NBL1: variants seen among roughly 807,000 people sequenced by gnomAD.
NBL1 encodes neuroblastoma suppressor of tumorigenicity 1.
NBL1 carries 9 observed loss-of-function variants against 16.0 expected under a neutral mutation model. The observed-to-expected ratio is 0.56, with a 90% confidence interval of 0.34 to 0.98. The LOEUF is 0.98. Ranked by LOEUF, NBL1 falls within the 50% of genes least tolerant of loss-of-function variation. The pLI is 0.02. For synonymous variants in NBL1, 86 were observed against 100.7 expected, an observed-to-expected ratio of 0.85 and a Z score of 0.87; for missense variants, 196 against 243.1, an observed-to-expected ratio of 0.81 and a Z score of 1.29.
At chr1:19,651,056 T>C (rs2095022108) in intron 1 of NBL1, among the ~76,000 whole-genome samples, 1 of 152,230 alleles carries the variant, frequency 6.6e-6, no homozygotes, top group Non-Finnish European at 1.5e-5. Flanking sequence ...TCCTAGGTGC[T>C]GAGTACCTTC....
At chr1:19,643,244 G>C (rs774086228), upstream of NBL1, 2 of 1,474,318 alleles carry the variant, frequency 1.4e-6, no homozygotes, top group East Asian at 4.5e-5. The surrounding 1 kb of genome is among the most constrained non-coding windows in gnomAD (Gnocchi z 4.7). Flanking sequence ...TGCAGGCTGG[G>C]TGTGGAGGGT....
chr1:19,644,297 G>GA, upstream of NBL1: 2 of 978,450 alleles, frequency 2.0e-6, no homozygotes, highest in Non-Finnish European at 1.2e-6. This position sits in a 1 kb window ranked among gnomAD's most constrained non-coding sequence, Gnocchi z 4.6. Flanking sequence ...CGCGCCGCGC[G>GA]CCCGCCCGGG....
chr1:19,655,619 G>A (rs887215700), intron 3 of NBL1, among the ~76,000 whole-genome samples, 184 bp downstream of exon 3: 1 of 152,236 alleles, frequency 6.6e-6, no homozygotes, highest in African/African-American at 2.4e-5. Flanking sequence ...TGGCTCAGAA[G>A]TCTGACACCA....
intron 1 of NBL1, among the ~76,000 whole-genome samples, chr1:19,648,398 G>A (rs2100405591): frequency 6.6e-6 from 1 of 152,312 alleles, no homozygotes; most frequent in East Asian, 1.9e-4. Flanking sequence ...ACATTCAGGT[G>A]CCCAGGCCGT....
At chr1:19,643,782 T>A, upstream of NBL1, 1 of 1,012,402 alleles carries the variant, frequency 9.9e-7, no homozygotes, top group Non-Finnish European at 1.2e-6. The surrounding 1 kb of genome is among the most constrained non-coding windows in gnomAD (Gnocchi z 4.7). Flanking sequence ...CCGGGTCGCA[T>A]GCCGGAGCGG....
At chr1:19,646,572 C>T (rs1193887014) in intron 1 of NBL1, among the ~76,000 whole-genome samples, 1 of 152,198 alleles carries the variant, frequency 6.6e-6, no homozygotes. Flanking sequence ...TCAAGGAAGT[C>T]CCTGTGCTCA....
chr1:19,643,749 G>A (rs890394349), upstream of NBL1: 77 of 1,057,188 alleles, frequency 7.3e-5, 1 homozygote, highest in Admixed American at 1.0e-4. The surrounding 1 kb of genome is among the most constrained non-coding windows in gnomAD (Gnocchi z 4.7). Context: ...AGCAACCCAG[G>A]CTACCAACAG....
upstream of NBL1, chr1:19,643,709 G>A: frequency 8.7e-7 from 1 of 1,154,316 alleles, no homozygotes; most frequent in South Asian, 2.0e-5. This position sits in a 1 kb window ranked among gnomAD's most constrained non-coding sequence, Gnocchi z 4.7. Flanking sequence ...GGGGCCGAGA[G>A]CGACACTAGG....
rs1050232300 is a variant in NBL1, at chr1:19,657,376, G to GGT, written c.*248_*249insTG. 2.6e-5 allele frequency: 7 copies of GGT among 265,522 alleles called. No individual in the cohort carries two copies. Among genetic ancestry groups the GGT allele is most frequent in the Admixed American group, 1.5e-4 (3 of 20,032 alleles). The allele number at this position is 265,522 out of a possible 1,614,324, so 16.4% of individuals were successfully genotyped here. The stretch of plus-strand genomic sequence containing the variant: ...GTCTTCAGGGCTCTTTTTTTGGGGG[G>GGT]GGTGGTCTCTTCCTGTCTGGCTTCT... On this transcript the variant is annotated 3_prime_UTR_variant, in exon 4 of 4. Coordinates refer to ENST00000375136, the MANE Select transcript of NBL1 (RefSeq NM_005380.8).
In NBL1 at chr1:19,658,230, G is replaced by T. The variant is rs909207929; in HGVS notation, c.*1101G>T. ...CTTTAACCCTAGAAGGTGGGGACCTGGGGGGAGGGACAGGGCAGGCGGGCC... is the reference window on the plus strand; with the variant it reads ...CTTTAACCCTAGAAGGTGGGGACCTTGGGGGAGGGACAGGGCAGGCGGGCC... On this transcript the variant is annotated 3_prime_UTR_variant, in exon 4 of 4. Coordinates refer to ENST00000375136, the MANE Select transcript of NBL1 (RefSeq NM_005380.8). 2 of 152,814 alleles carry T rather than the reference G, an allele frequency of 1.3e-5. No individual in the cohort carries two copies. Among genetic ancestry groups the T allele is most frequent in the Non-Finnish European group, 2.9e-5 (2 of 68,212 alleles). 9.5% of individuals were successfully genotyped at this position (152,814 alleles called of 1,614,324 possible).
At chr1:19,645,109 C>T (rs1459679292) in intron 1 of NBL1, among the ~76,000 whole-genome samples, 1 of 152,192 alleles carries the variant, frequency 6.6e-6, no homozygotes, top group Non-Finnish European at 1.5e-5. Context: ...CCAGACAATC[C>T]CCCAGTGTCG....
chr1:19,645,531 G>A (rs1249509785), intron 1 of NBL1: 2 of 1,014,372 alleles, frequency 2.0e-6, no homozygotes, highest in African/African-American at 1.7e-5. Context: ...GAAAACAGAG[G>A]TCAGGGCTGG....
chr1:19,645,336 T>G (rs1189393420), intron 1 of NBL1: 1 of 984,922 alleles, frequency 1.0e-6, no homozygotes, highest in East Asian at 1.1e-4. Flanking sequence ...GCGGGCCACC[T>G]GCCCGGCCCG....
intron 1 of NBL1, chr1:19,646,011 G>A (rs533995290): frequency 1.3e-6 from 2 of 1,550,466 alleles, no homozygotes; most frequent in East Asian, 2.4e-5. Flanking sequence ...ACTGTTTTTC[G>A]TTTGCGGGCA....
chr1:19,645,351 C>G (rs1297785546), intron 1 of NBL1: 1 of 985,756 alleles, frequency 1.0e-6, no homozygotes. Flanking sequence ...GGCCCGCTCC[C>G]AGGGCGGGGC....
In NBL1 at chr1:19,649,081, G is replaced by A. The variant is rs148221802; in HGVS notation, c.-20+4635G>A. On this transcript the variant is annotated intron_variant, in intron 1 of 3. Transcript: ENST00000375136. The stretch of plus-strand genomic sequence containing the variant: ...CCTCATCCTGACTCCAGATTCCATC[G>A]TTTCTTGCTTCTTTCTCTTCGGTGA... Among the ~76,000 whole-genome samples the A allele has an allele frequency of 6.0e-3, 917 of 152,188 alleles. 10 individuals carry two copies. The highest frequency in any genetic ancestry group is 0.021 in the African/African-American group (865 of 41,498).
intron 1 of NBL1, among the ~76,000 whole-genome samples, chr1:19,650,845 CA>C (rs2095019915): frequency 6.6e-6 from 1 of 152,168 alleles, no homozygotes; most frequent in Non-Finnish European, 1.5e-5. Flanking sequence ...GAGCCCACCC[CA>C]CCGGTGGGGG....
chr1:19,652,459 G>A (rs1197243615), intron 1 of NBL1, among the ~76,000 whole-genome samples: 7 of 121,796 alleles, frequency 5.7e-5, no homozygotes, highest in Admixed American at 1.7e-4. Context: ...TTTGGGAGGC[G>A]GCGGGGGGGC....
rs1184524835 is a variant in NBL1 at position 19,658,006 on chromosome 1, CTT to C, written c.*879_*880del. On this transcript the variant is annotated 3_prime_UTR_variant, in exon 4 of 4. Coordinates refer to ENST00000375136, the MANE Select transcript of NBL1 (RefSeq NM_005380.8). ...CCTTCTCCCCTCTCCCAGGGATGCT[CTT>C]TGTAAATATCGGATGGGTGTGGGAG... The C allele has an allele frequency of 1.3e-5, 2 of 152,896 alleles. No homozygotes were observed. The highest frequency in any genetic ancestry group is 1.9e-4 in the East Asian group (1 of 5,190). The allele number at this position is 152,896 out of a possible 1,614,324, so 9.5% of individuals were successfully genotyped here.
Sources: gnomAD v4.1 joint callset for allele counts (sites outside exome capture counted in the v4.1 genomes callset) on GRCh38, gnomAD v4.1.1 for gene constraint, Gnocchi (gnomAD v3.1) non-coding constraint, MANE v1.5 for transcripts, NCBI Gene and HGNC (gene_info 2026-07-23, HGNC 2026-07-21) for gene names.